Variants in EBF4 observed in about 807,000 individuals in gnomAD.
EBF4 encodes the protein transcription factor COE4.
A neutral mutation model predicts 67.1 loss-of-function variants in EBF4; 34 were observed. The ratio of observed to expected loss-of-function variants is 0.51; its 90% CI spans 0.39 to 0.67. The LOEUF (loss-of-function observed/expected upper bound fraction) is 0.67. Among genes scored for constraint, EBF4 ranks in the 30% least tolerant of loss-of-function variants. The pLI, the probability that EBF4 is intolerant of heterozygous loss-of-function variation, is 0.00. For missense variants in EBF4, 837 were observed against 873.3 expected, an observed-to-expected ratio of 0.96 and a Z score of 0.52; for synonymous variants, 387 against 377.7, an observed-to-expected ratio of 1.02 and a Z score of -0.29.
At chr20:2,693,525 C>G (rs79348786), upstream of EBF4, 460 of 1,213,220 alleles carry the variant, frequency 3.8e-4, 1 homozygote, top group African/African-American at 3.5e-3. The surrounding 1 kb of genome is among the most constrained non-coding windows in gnomAD (Gnocchi z 4.6). Context: ...CTGAGCCACC[C>G]GGACTCGGCG....
At chr20:2,748,512 C>G (rs779222032) in intron 6 of EBF4, 37 bp from the exon 7 acceptor site, 3 of 1,541,268 alleles carry the variant, frequency 1.9e-6, no homozygotes, top group Non-Finnish European at 2.6e-6. Context: ...TTTCCAGAAC[C>G]CCCAGACCCT....
At chr20:2,713,775 G>T (rs2087573231) in intron 6 of EBF4, among the ~76,000 whole-genome samples, 3 of 152,192 alleles carry the variant, frequency 2.0e-5, no homozygotes, top group Admixed American at 2.0e-4. Context: ...TTCTGATGGG[G>T]CCAAAGGATT....
In EBF4 at chr20:2,758,901, T is replaced by C. The variant is rs2088283250; in HGVS notation, c.1739-8T>C. 6.4e-7 allele frequency: 1 copy of C among 1,551,716 alleles called. No individual in the cohort carries two copies. The highest frequency in any genetic ancestry group is 8.7e-7 in the Non-Finnish European group (1 of 1,146,964). On this transcript the variant is annotated splice_polypyrimidine_tract_variant and splice_region_variant and intron_variant, in intron 15 of 16. Coordinates refer to ENST00000609451, the Ensembl canonical transcript of EBF4. Reference sequence around the variant, plus strand: ...GGCTTATGGCTCCTTTTTCCTTGACTACTGCAGACCAGTCTTTTGAGGATT... The same window carrying C: ...GGCTTATGGCTCCTTTTTCCTTGACCACTGCAGACCAGTCTTTTGAGGATT...
chr20:2,728,819 C>T (rs1249766625), intron 6 of EBF4, among the ~76,000 whole-genome samples: 1 of 151,840 alleles, frequency 6.6e-6, no homozygotes, highest in Non-Finnish European at 1.5e-5. Flanking sequence ...GTTTCCAGTC[C>T]TGGAAACCTT....
intron 6 of EBF4, among the ~76,000 whole-genome samples, chr20:2,738,189 A>G (rs1387254871): frequency 6.6e-6 from 1 of 152,054 alleles, no homozygotes; most frequent in Non-Finnish European, 1.5e-5. Flanking sequence ...CTCTCACCTG[A>G]TTCATAGATA....
In EBF4 at chr20:2,751,055, G is replaced by A. The variant is rs1199391325; in HGVS notation, c.1019-645G>A. 1.3e-5 allele frequency among the ~76,000 whole-genome samples: 2 copies of A among 151,992 alleles called. No homozygotes were observed. The highest frequency in any genetic ancestry group is 2.4e-5 in the African/African-American group (1 of 41,366). On this transcript the variant is annotated intron_variant, in intron 10 of 16. Coordinates refer to ENST00000609451, the Ensembl canonical transcript of EBF4. The surrounding 1 kb of genome is among the most constrained non-coding windows in gnomAD (Gnocchi z 5.2). Reference sequence around the variant, plus strand: ...GGGGAAGGAGGAGGAGAAGGGCGTGGGGAGCTGGGTCAGACGCGCATACAC... The same window carrying A: ...GGGGAAGGAGGAGGAGAAGGGCGTGAGGAGCTGGGTCAGACGCGCATACAC...
intron 10 of EBF4, 39 bp downstream of exon 10, chr20:2,750,012 C>T: frequency 6.6e-7 from 1 of 1,519,106 alleles, no homozygotes; most frequent in Non-Finnish European, 8.8e-7. Flanking sequence ...CTAAGGTGCG[C>T]GGAGGGAGCC....
intron 14 of EBF4, among the ~76,000 whole-genome samples, chr20:2,753,133 G>C (rs1202297363): frequency 6.6e-6 from 1 of 152,246 alleles, no homozygotes; most frequent in East Asian, 1.9e-4. Flanking sequence ...CATTCAGCAA[G>C]TTACTTATTT....
In EBF4 at chr20:2,706,172, C is replaced by G. The variant is rs138907992; in HGVS notation, c.359-37C>G. 2,612 of 1,551,516 alleles carry G rather than the reference C, an allele frequency of 1.7e-3. 1 individual carries two copies. Among genetic ancestry groups the G allele is most frequent in the Admixed American group, 2.7e-3 (136 of 51,004 alleles). Reference sequence around the variant, plus strand: ...TCTGGTCATTGAGGCTGCACATGCTCCCCCAGCAGCAAGCCCTCTCCATCT... The same window carrying G: ...TCTGGTCATTGAGGCTGCACATGCTGCCCCAGCAGCAAGCCCTCTCCATCT... On this transcript the variant is annotated intron_variant, in intron 3 of 16. Coordinates refer to ENST00000609451, the Ensembl canonical transcript of EBF4.
At chr20:2,722,722 T>C (rs1435523143) in intron 6 of EBF4, among the ~76,000 whole-genome samples, 2 of 152,252 alleles carry the variant, frequency 1.3e-5, no homozygotes, top group South Asian at 2.1e-4. Context: ...CTGCCCTTCA[T>C]TGTGTAATAT....
rs530457888 is a variant in EBF4, at chr20:2,751,865, C to G, written c.1108-57C>G. On this transcript the variant is annotated intron_variant, in intron 11 of 16. Transcript: ENST00000609451. This position sits in a 1 kb window ranked among gnomAD's most constrained non-coding sequence, Gnocchi z 5.2. The stretch of plus-strand genomic sequence containing the variant: ...GGGTGAGGAGGGGCTCCCGAGGGCC[C>G]CTTGGTCGCCCCCAGGGGCTGCCCC... 3,797 of 1,548,536 alleles carry G rather than the reference C, an allele frequency of 2.5e-3. 68 individuals are homozygous for G. The South Asian group carries it at 0.028, about 11-fold the overall frequency.
chr20:2,735,414 C>T (rs2087864427), intron 6 of EBF4, among the ~76,000 whole-genome samples: 1 of 152,178 alleles, frequency 6.6e-6, no homozygotes, highest in African/African-American at 2.4e-5. Flanking sequence ...GCTTTCTGTT[C>T]TTATTACAAC....
chr20:2,694,078 G>A (rs1354301771), intron 1 of EBF4, among the ~76,000 whole-genome samples: 1 of 152,248 alleles, frequency 6.6e-6, no homozygotes, highest in Non-Finnish European at 1.5e-5. Flanking sequence ...TGAGAGAAGA[G>A]GCAGAGCTCC....
rs10681053 is a variant in EBF4 at position 2,726,580 on chromosome 20, C to CA, written c.557+16949dup. ...TAGGTGAGAAAGAAAGACCCTGTCT[C>CA]AAAAAAAAAAAGAAATATGATGCTG... On this transcript the variant is annotated intron_variant, in intron 6 of 16. Transcript: ENST00000609451. Among the ~76,000 whole-genome samples, 591 of 144,588 alleles carry CA rather than the reference C, an allele frequency of 4.1e-3. 9 individuals carry two copies. The highest frequency in any genetic ancestry group is 0.011 in the African/African-American group (444 of 39,784). The allele number at this position is 144,588 out of a possible 152,430, so 94.9% of individuals were successfully genotyped here.
At chr20:2,729,317 C>G (rs564794100) in intron 6 of EBF4, among the ~76,000 whole-genome samples, 31 of 152,266 alleles carry the variant, frequency 2.0e-4, no homozygotes, top group Admixed American at 3.9e-4. Context: ...TGGTCCTTGC[C>G]CTAATCAGCT....
At chr20:2,700,558 G>A (rs761330) in intron 1 of EBF4, among the ~76,000 whole-genome samples, 20,414 of 152,020 alleles carry the variant, frequency 0.13, 1,477 homozygotes, top group East Asian at 0.29. Flanking sequence ...GCAGACAGTG[G>A]CCCCCACATC....
At chr20:2,749,251 G>T (rs2088099671) in intron 7 of EBF4, 150 bp from the exon 8 acceptor site, 1 of 598,660 alleles carries the variant, frequency 1.7e-6, no homozygotes, top group Non-Finnish European at 2.9e-6. Context: ...CACCAGCTCA[G>T]ACACTGCAGG....
At chr20:2,697,168 T>G (rs2087301695) in intron 1 of EBF4, among the ~76,000 whole-genome samples, 3 of 151,652 alleles carry the variant, frequency 2.0e-5, no homozygotes, top group Non-Finnish European at 4.4e-5. Context: ...TTACAGAAGG[T>G]GGGTGGGGAG....
chr20:2,712,149 G>T (rs2087552761), intron 6 of EBF4, among the ~76,000 whole-genome samples: 1 of 152,182 alleles, frequency 6.6e-6, no homozygotes, highest in Non-Finnish European at 1.5e-5. Flanking sequence ...AAGGGCTTTG[G>T]CAGGACATGG....
Sources: allele counts gnomAD v4.1 joint callset (sites outside exome capture counted in the v4.1 genomes callset), GRCh38; gene constraint gnomAD v4.1.1; non-coding constraint Gnocchi (gnomAD v3.1); transcripts MANE v1.5; gene names NCBI Gene and HGNC (gene_info 2026-07-23, HGNC 2026-07-21).